The following UROC1 variants were observed in gnomAD, a reference collection of about 807,000 sequenced individuals.
UROC1 encodes urocanate hydratase.
In UROC1, 79 loss-of-function variants were observed where a neutral mutation model predicts 89.5. The observed-to-expected ratio is 0.88, with a 90% confidence interval of 0.74 to 1.06. The LOEUF (loss-of-function observed/expected upper bound fraction) is 1.06, where lower values mean the gene tolerates loss of function less well. Among genes scored for constraint, UROC1 ranks in the 50% least tolerant of loss-of-function variants. The pLI, the probability that UROC1 is intolerant of heterozygous loss-of-function variation, is 0.00. For synonymous variants in UROC1, 361 were observed against 354.8 expected (o/e 1.02, Z -0.20); for missense variants, 885 against 907.8 (o/e 0.97, Z 0.32).
chr3:126,501,237 C>G lies in UROC1; in HGVS notation c.946G>C (p.Gly316Arg). 6.2e-7 allele frequency: 1 copy of G among 1,614,160 alleles called. No homozygotes were observed. Among genetic ancestry groups the G allele is most frequent in the South Asian group, 1.1e-5 (1 of 91,074 alleles). Residue 316 changes from glycine (G) to arginine (R), a missense_variant, in exon 10 of 20, where the codon GGC becomes CGC. Gly to Arg is a moderately radical substitution (Grantham distance 125, BLOSUM62 -2). Coordinates refer to ENST00000290868, the MANE Select transcript of UROC1 (RefSeq NM_144639.3). Reference sequence around the variant, plus strand: ...ACTCACCAAAGAGCCACCACGTTGCCATGGTAACCAAGGCTGAGCACCTCC... The same window carrying G: ...ACTCACCAAAGAGCCACCACGTTGCGATGGTAACCAAGGCTGAGCACCTCC... Reference protein sequence around the residue: ...KKEVLSLGYHGNVVALWERLV... With the variant: ...KKEVLSLGYHRNVVALWERLV...
chr3:126,508,167 C>G, intron 4 of UROC1, 72 bp from the exon 5 acceptor site: 2 of 1,611,362 alleles, frequency 1.2e-6, no homozygotes, highest in Non-Finnish European at 1.7e-6. Context: ...ACACCACCGT[C>G]CACGCCTGGA....
intron 12 of UROC1, among the ~76,000 whole-genome samples, chr3:126,499,743 A>C (rs567425337): frequency 7.2e-5 from 11 of 152,358 alleles, no homozygotes; most frequent in Admixed American, 2.0e-4. Context: ...CCCATTTTAC[A>C]GAAGGAAGTT....
chr3:126,482,607 G>T, intron 19 of UROC1, 122 bp from the exon 20 acceptor site: 1 of 1,435,708 alleles, frequency 7.0e-7, no homozygotes, highest in Non-Finnish European at 9.7e-7. Context: ...GGGGACAGCT[G>T]CCCTTTTGTG....
chr3:126,499,337 C>T lies in UROC1; in HGVS notation c.1316G>A (p.Gly439Glu), dbSNP rs773824072. ...GATGTGGCAGCCGCCCATCACTCAC[C>T]CCATGATGTGCTGCACATAGGAAGG... is the stretch of plus-strand genomic sequence containing the variant. The part of the protein sequence containing the change: ...RYPSYVQHIM[G>E]DIFSQGFGPF... Residue 439 changes from glycine (G) to glutamate (E), a missense_variant and splice_region_variant, in exon 13 of 20, where the codon GGG (glycine) becomes GAG (glutamate). Gly to Glu is a moderately conservative substitution (Grantham distance 98, BLOSUM62 -2). Coordinates refer to ENST00000290868, the MANE Select transcript of UROC1 (RefSeq NM_144639.3). 6.2e-6 allele frequency: 10 copies of T among 1,611,124 alleles called. No individual in the cohort carries two copies. The East Asian group carries it at 2.2e-4, about 36-fold the overall frequency.
chr3:126,499,529 G>C, intron 12 of UROC1, 120 bp from the exon 13 acceptor site: 1 of 1,033,336 alleles, frequency 9.7e-7, no homozygotes, highest in East Asian at 2.6e-5. Flanking sequence ...TCTTTTTCAT[G>C]TAAAAGAAGA....
chr3:126,492,865 C>T (rs1035281513), intron 15 of UROC1, among the ~76,000 whole-genome samples: 2 of 152,358 alleles, frequency 1.3e-5, no homozygotes, highest in South Asian at 2.1e-4. Context: ...TGCTCCTGCT[C>T]CATCCCACAG....
intron 3 of UROC1, 71 bp from the exon 4 acceptor site, chr3:126,508,546 A>G: frequency 7.5e-7 from 1 of 1,337,834 alleles, no homozygotes; most frequent in South Asian, 1.2e-5. Flanking sequence ...CAGGGAGAGA[A>G]AGGGCCCCCA....
At chr3:126,511,425 G>A (rs1307614983) in intron 1 of UROC1, among the ~76,000 whole-genome samples, 1 of 152,188 alleles carries the variant, frequency 6.6e-6, no homozygotes, top group Non-Finnish European at 1.5e-5. Context: ...TGATTTCACA[G>A]CCTGCTGGTT....
At chr3:126,494,466 C>T (rs1310230156) in intron 15 of UROC1, among the ~76,000 whole-genome samples, 1 of 152,210 alleles carries the variant, frequency 6.6e-6, no homozygotes, top group African/African-American at 2.4e-5. Context: ...TCAGCACCGT[C>T]ACAGAGATGC....
At chr3:126,495,287 T>C (rs1006988348) in intron 15 of UROC1, among the ~76,000 whole-genome samples, 1 of 152,194 alleles carries the variant, frequency 6.6e-6, no homozygotes, top group African/African-American at 2.4e-5. Flanking sequence ...GTAAAACCAT[T>C]GCCCCATCCA....
At chr3:126,499,660 G>A (rs1935868557) in intron 12 of UROC1, among the ~76,000 whole-genome samples, 2 of 152,376 alleles carry the variant, frequency 1.3e-5, no homozygotes, top group South Asian at 2.1e-4. Context: ...CCTGCAGGGA[G>A]GTAGACAGGG....
chr3:126,492,465 C>T lies in UROC1; in HGVS notation c.1561G>A (p.Ala521Thr). The part of the protein sequence containing the change: ...ILYSDQKGRV[A>T]IAVAINQAIA... The stretch of plus-strand genomic sequence containing the variant: ...GCCTGGTTAATGGCCACAGCGATGG[C>T]CACGCGGCCCTTCTGGTCTGAGTAC... The change falls in exon 16 of 20, where the codon GCC becomes ACC. Residue 521 changes from alanine to threonine, a missense_variant. Transcript: ENST00000290868. The T allele has an allele frequency of 6.2e-7, 1 of 1,613,576 alleles. No individual in the cohort carries two copies. The highest frequency in any genetic ancestry group is 8.5e-7 in the Non-Finnish European group (1 of 1,179,992).
At chr3:126,498,205 C>G in intron 13 of UROC1, 33 bp from the exon 14 acceptor site, 1 of 1,613,778 alleles carries the variant, frequency 6.2e-7, no homozygotes, top group Non-Finnish European at 8.5e-7. Flanking sequence ...ACCCTGGGCC[C>G]GCTGGCTTGT....
At chr3:126,505,149 G>C (rs1276367629) in intron 8 of UROC1, among the ~76,000 whole-genome samples, 1 of 152,080 alleles carries the variant, frequency 6.6e-6, no homozygotes, top group African/African-American at 2.4e-5. Flanking sequence ...AGCAGATGTG[G>C]GCACTATGCT....
At chr3:126,497,391 C>G (rs1223881554) in intron 14 of UROC1, among the ~76,000 whole-genome samples, 1 of 152,208 alleles carries the variant, frequency 6.6e-6, no homozygotes, top group African/African-American at 2.4e-5. Context: ...TGGTTAAAAC[C>G]CAGGCAGGCC....
In UROC1 at chr3:126,482,362, G is replaced by A; in HGVS notation, c.2014C>T (p.Gln672Ter). ...HKVEDERVLQ[Q>*]ALQL is the part of the protein sequence containing the mutation. ...TGGCTCCCTCAGAGCTGCAGGGCCT[G>A]CTGGAGCACCCGCTCGTCCTCCACC... is the stretch of plus-strand genomic sequence containing the variant. Residue 672 changes from glutamine (Q) to a stop codon, truncating the protein, a stop_gained, in exon 20 of 20, where the codon CAG becomes TAG. Transcript: ENST00000290868. LOFTEE classifies it high-confidence loss of function. The A allele has an allele frequency of 6.2e-7, 1 of 1,613,406 alleles. No individual in the cohort carries two copies. Among genetic ancestry groups the A allele is most frequent in the East Asian group, 2.2e-5 (1 of 44,870 alleles).
At chr3:126,506,248 T>A (rs1255400852) in intron 6 of UROC1, among the ~76,000 whole-genome samples, 1 of 152,260 alleles carries the variant, frequency 6.6e-6, no homozygotes, top group African/African-American at 2.4e-5. Context: ...AAAACTGTAG[T>A]GTAATTGGTG....
rs757679109 is a variant in UROC1 at position 126,499,394 on chromosome 3, T to C, written c.1259A>G (p.Lys420Arg). ...EAQRAGADVE[K>R]KGAGRTEFRY... ...GAACTCTGTCCTGCCAGCACCTTTC[T>C]TCTCCACATCCGCTCCTGTGGGCAG... Residue 420 changes from lysine to arginine, a missense_variant, in exon 13 of 20, where the codon AAG (lysine) becomes AGG (arginine). Lys to Arg is a conservative substitution (Grantham distance 26). Transcript: ENST00000290868. The C allele has an allele frequency of 9.9e-6, 16 of 1,612,742 alleles. No homozygotes were observed. Among genetic ancestry groups the C allele is most frequent in the African/African-American group, 1.3e-5 (1 of 74,658 alleles).
rs138856930 is a variant in UROC1, at chr3:126,483,453, G to A, written c.1806C>T (p.Asn602=). The A allele has an allele frequency of 1.6e-4, 253 of 1,613,656 alleles. 1 individual carries two copies. The highest frequency in any genetic ancestry group is 6.6e-4 in the Middle Eastern group (4 of 6,084). The stretch of plus-strand genomic sequence containing the variant: ...CGTCCAGCACGAGGCCGAATCCCCC[G>A]TTGATCACCTCACCCCTGCAGGAGG... The part of the protein sequence containing the change: ...GGGVGWGEVI[N]GGFGLVLDGT... Residue 602 remains asparagine, a synonymous_variant, in exon 19 of 20, where the codon AAC becomes AAT. Coordinates refer to ENST00000290868, the MANE Select transcript of UROC1 (RefSeq NM_144639.3).
Sources: allele counts gnomAD v4.1 joint callset (sites outside exome capture counted in the v4.1 genomes callset), GRCh38; gene constraint gnomAD v4.1.1; transcripts MANE v1.5; gene names NCBI Gene and HGNC (gene_info 2026-07-23, HGNC 2026-07-21).